SLC13A1: variants seen among roughly 807,000 people sequenced by gnomAD.
SLC13A1 encodes the protein Na(+)/sulfate cotransporter.
A neutral mutation model predicts 70.0 loss-of-function variants in SLC13A1; 65 were observed. That is an observed-to-expected ratio of 0.93 (90% CI 0.76 to 1.14). The LOEUF is 1.14. Ranked by LOEUF, SLC13A1 falls within the 50% of genes most tolerant of loss-of-function variation. The pLI, the probability that SLC13A1 is intolerant of heterozygous loss-of-function variation, is 0.00. For missense variants in SLC13A1, 726 were observed against 717.8 expected (o/e 1.01, Z -0.13); for synonymous variants, 275 against 250.5 (o/e 1.10, Z -0.92).
chr7:123,189,420 C>G (rs1377220312), intron 1 of SLC13A1, among the ~76,000 whole-genome samples: 2 of 152,096 alleles, frequency 1.3e-5, no homozygotes. Context: ...TAAGTTCTTA[C>G]AGAATTATGC....
At chr7:123,134,325 T>C (rs1585307924) in intron 8 of SLC13A1, 85 bp downstream of exon 8, 1 of 1,285,232 alleles carries the variant, frequency 7.8e-7, no homozygotes, top group Non-Finnish European at 1.1e-6. Flanking sequence ...CTGCATGGCA[T>C]AGGGGAAAGA....
chr7:123,115,599 T>G lies in SLC13A1; in HGVS notation c.1707A>C (p.Ile569=). ...CAAACATGGGTACAATCCAAGTACA[T>G]ATGCCAAGCATAACCACAGCAACAC... ...IVGVAVVMLG[I]CTWIVPMFDL... The change falls in exon 15 of 15, where the codon ATA becomes ATC. Residue 569 remains isoleucine (I), a synonymous_variant. Coordinates refer to ENST00000194130, the MANE Select transcript of SLC13A1 (RefSeq NM_022444.4). The G allele has an allele frequency of 6.2e-7, 1 of 1,613,852 alleles. No homozygotes were observed. The highest frequency in any genetic ancestry group is 8.5e-7 in the Non-Finnish European group (1 of 1,179,792).
At chr7:123,185,477 T>C (rs563709645) in intron 1 of SLC13A1, among the ~76,000 whole-genome samples, 17 of 152,222 alleles carry the variant, frequency 1.1e-4, no homozygotes, top group Non-Finnish European at 2.1e-4. Flanking sequence ...GATATATGGG[T>C]CTGATTTCAT....
chr7:123,167,716 G>A (rs912972069), intron 6 of SLC13A1, among the ~76,000 whole-genome samples: 6 of 151,854 alleles, frequency 4.0e-5, no homozygotes, highest in Non-Finnish European at 7.4e-5. Context: ...ATCTAGAATG[G>A]CTACAACTCC....
At chr7:123,129,527 C>T in intron 8 of SLC13A1, 46 bp from the exon 9 acceptor site, 1 of 1,379,746 alleles carries the variant, frequency 7.2e-7, no homozygotes, top group Non-Finnish European at 1.0e-6. Flanking sequence ...CTTTTACTAC[C>T]ACCTCCCTGT....
At chr7:123,134,748 A>G (rs1281802598) in intron 7 of SLC13A1, among the ~76,000 whole-genome samples, 2 of 152,098 alleles carry the variant, frequency 1.3e-5, no homozygotes, top group Non-Finnish European at 2.9e-5. Context: ...GCAAGAGTGG[A>G]TGTGTTTTGA....
chr7:123,139,314 A>G (rs530626651), intron 7 of SLC13A1, among the ~76,000 whole-genome samples: 25 of 152,172 alleles, frequency 1.6e-4, no homozygotes, highest in Non-Finnish European at 1.8e-4. Flanking sequence ...CTTGATTACT[A>G]TAGCTCTGCA....
chr7:123,181,599 C>G (rs1019490830), intron 1 of SLC13A1, among the ~76,000 whole-genome samples: 3 of 152,100 alleles, frequency 2.0e-5, no homozygotes, highest in Non-Finnish European at 4.4e-5. Flanking sequence ...TAGGAGAAAC[C>G]TTTGCCGTAC....
chr7:123,159,880 GA>G (rs1394798755), intron 6 of SLC13A1, among the ~76,000 whole-genome samples: 3 of 152,012 alleles, frequency 2.0e-5, no homozygotes, highest in Non-Finnish European at 4.4e-5. Flanking sequence ...TAAGGACACA[GA>G]AATATTGAAA....
intron 1 of SLC13A1, among the ~76,000 whole-genome samples, chr7:123,191,667 C>A (rs1176194473): frequency 6.6e-6 from 1 of 152,138 alleles, no homozygotes; most frequent in East Asian, 1.9e-4. Context: ...CTCATGAATG[C>A]TTATAATGTG....
chr7:123,117,249 A>G (rs1258657312), intron 14 of SLC13A1, among the ~76,000 whole-genome samples: 4 of 152,106 alleles, frequency 2.6e-5, no homozygotes, highest in Non-Finnish European at 4.4e-5. Flanking sequence ...GATGCATTCA[A>G]CATCTCTCTG....
At chr7:123,179,342 C>G (rs925361676) in intron 2 of SLC13A1, among the ~76,000 whole-genome samples, 5 of 152,040 alleles carry the variant, frequency 3.3e-5, no homozygotes, top group African/African-American at 1.2e-4. Context: ...AGGCCCATAA[C>G]CCAGAAAGCT....
Position 123,169,260 on chromosome 7 carries a change from C to T in SLC13A1, c.441G>A (p.Val147=), listed in dbSNP as rs1795181303. The T allele has an allele frequency of 1.2e-6, 2 of 1,613,918 alleles. No individual in the cohort carries two copies. The highest frequency in any genetic ancestry group is 1.7e-5 in the Admixed American group (1 of 59,996). The change falls in exon 4 of 15, where the codon GTG becomes GTA. Residue 147 remains valine, a synonymous_variant. Transcript: ENST00000194130. ...WLSNTSTAAM[V]MPIAEAVVQQ... The stretch of plus-strand genomic sequence containing the variant: ...GCACTACAGCCTCCGCAATGGGCAT[C>T]ACCATGGCAGCCGTCGAGGTGTTGC...
intron 6 of SLC13A1, among the ~76,000 whole-genome samples, chr7:123,161,797 T>C (rs989505848): frequency 3.3e-5 from 5 of 152,126 alleles, no homozygotes; most frequent in African/African-American, 1.2e-4. Flanking sequence ...ACACAAAATT[T>C]GGACTATAGC....
chr7:123,176,122 A>G (rs999919953), intron 2 of SLC13A1, among the ~76,000 whole-genome samples: 1 of 152,230 alleles, frequency 6.6e-6, no homozygotes, highest in Non-Finnish European at 1.5e-5. Context: ...ACAGTTTGCC[A>G]GTTTTCTCAA....
At chr7:123,133,703 G>GT (rs953361448) in intron 8 of SLC13A1, among the ~76,000 whole-genome samples, 4 of 151,160 alleles carry the variant, frequency 2.6e-5, no homozygotes, top group East Asian at 1.9e-4. Context: ...TATTTTTTGT[G>GT]TTTTTTTTAG....
intron 6 of SLC13A1, among the ~76,000 whole-genome samples, chr7:123,163,550 C>T (rs979216594): frequency 3.3e-5 from 5 of 152,018 alleles, no homozygotes; most frequent in African/African-American, 1.2e-4. Context: ...CTTTATCACG[C>T]CAGCAAAATG....
At chr7:123,151,978 T>A (rs1299524649) in intron 6 of SLC13A1, among the ~76,000 whole-genome samples, 1 of 151,672 alleles carries the variant, frequency 6.6e-6, no homozygotes, top group Admixed American at 6.6e-5. Flanking sequence ...TCTTGCCTGT[T>A]ACAGACTCAT....
chr7:123,127,923 G>A (rs1374920918), intron 10 of SLC13A1, among the ~76,000 whole-genome samples: 3 of 139,650 alleles, frequency 2.1e-5, no homozygotes, highest in African/African-American at 8.2e-5. Flanking sequence ...TTAGAAATTA[G>A]AGTAGTTCAG....
Sources: allele counts gnomAD v4.1 joint callset (sites outside exome capture counted in the v4.1 genomes callset), GRCh38; gene constraint gnomAD v4.1.1; transcripts MANE v1.5; gene names NCBI Gene and HGNC (gene_info 2026-07-23, HGNC 2026-07-21).